The following TRMT2B variants were observed in gnomAD, a reference collection of about 807,000 sequenced individuals.
The protein encoded by TRMT2B is tRNA (uracil-5-)-methyltransferase homolog B.
Under a neutral mutation model 39.7 loss-of-function variants are expected in TRMT2B, and 34 were observed. That is an observed-to-expected ratio of 0.86 (90% confidence interval 0.65 to 1.14). The LOEUF (loss-of-function observed/expected upper bound fraction) is 1.14. Among genes scored for constraint, TRMT2B ranks in the 50% most tolerant of loss-of-function variants. The pLI is 0.00. For missense variants in TRMT2B, 318 were observed against 377.2 expected, an observed-to-expected ratio of 0.84 and a Z score of 1.30; for synonymous variants, 132 against 137.3, an observed-to-expected ratio of 0.96 and a Z score of 0.27.
rs749070426 is a variant in TRMT2B at position 101,047,194 on chromosome X, A to G, written c.-24+4057T>C. 3.6e-3 allele frequency among the ~76,000 whole-genome samples: 379 copies of G among 103,843 alleles called. 2 individuals are homozygous for G. The highest frequency in any genetic ancestry group is 0.013 in the African/African-American group (360 of 27,744). 90.2% of individuals were successfully genotyped at this position (103,843 alleles called of 115,157 possible). A position where few individuals can be genotyped will look rare whatever the true frequency, so the allele number is the denominator to read the frequency against. ...CATGCTCCAGCCTGGGTGACAAAGCAAGACCCTGTCTCGAAAAAAAAAAAA... is the reference window on the plus strand; with the variant it reads ...CATGCTCCAGCCTGGGTGACAAAGCGAGACCCTGTCTCGAAAAAAAAAAAA... On this transcript the variant is annotated intron_variant, in intron 2 of 13. Transcript: ENST00000372936.
the TRMT2B span, chrX:100,990,341 G>C: frequency 9.8e-6 from 9 of 922,222 alleles, no homozygotes; most frequent in Non-Finnish European, 1.2e-5. Context: ...AACAGAGAAA[G>C]TAAAAGAAAG....
chrX:100,997,647 C>T, the TRMT2B span, among the ~76,000 whole-genome samples: 1 of 111,768 alleles, frequency 8.9e-6, no homozygotes, highest in African/African-American at 3.3e-5. Context: ...ACTTCTGTAC[C>T]AAAGCCCTTA....
chrX:100,990,721 C>A, the TRMT2B span: 1 of 589,690 alleles, frequency 1.7e-6, no homozygotes. Flanking sequence ...GGTGATCAAC[C>A]AAAACTGAGC....
At chrX:100,989,016 A>C in the TRMT2B span, among the ~76,000 whole-genome samples, 1 of 109,274 alleles carries the variant, frequency 9.2e-6, no homozygotes, top group South Asian at 3.9e-4. Flanking sequence ...AATAAGTAAA[A>C]GTAGGAAACA....
At chrX:100,984,183 A>G in the TRMT2B span, among the ~76,000 whole-genome samples, 2 of 106,901 alleles carry the variant, frequency 1.9e-5, no homozygotes, top group Non-Finnish European at 3.8e-5. Flanking sequence ...GCGTAATCTC[A>G]GCTCACTGCA....
chrX:101,018,106 C>T (rs911949442), intron 13 of TRMT2B, among the ~76,000 whole-genome samples: 6 of 110,676 alleles, frequency 5.4e-5, no homozygotes, highest in Non-Finnish European at 7.6e-5. Flanking sequence ...TTTGGTAGGC[C>T]GATGCAGGAG....
At chrX:101,047,227 A>G (rs1375527318) in intron 2 of TRMT2B, among the ~76,000 whole-genome samples, 1 of 109,458 alleles carries the variant, frequency 9.1e-6, no homozygotes, top group Non-Finnish European at 1.9e-5. Context: ...AAAAAAAAGT[A>G]CTTAGCAGAA....
rs747565899 is a variant in TRMT2B, at chrX:101,030,242, C to T, written c.609+5371G>A. Among the ~76,000 whole-genome samples, 6 of 110,572 alleles carry T rather than the reference C, an allele frequency of 5.4e-5. No individual in the cohort carries two copies. In the South Asian group the frequency reaches 1.5e-3, roughly 28 times the overall value. The stretch of plus-strand genomic sequence containing the variant: ...ACCACTACACTCCATCCAGCCTGGG[C>T]GACAGAGTGAGACTTTGTCTCAAAC... On this transcript the variant is annotated intron_variant, in intron 7 of 13. Coordinates refer to ENST00000372936, the MANE Select transcript of TRMT2B (RefSeq NM_024917.6).
chrX:101,003,432 G>A, the TRMT2B span, among the ~76,000 whole-genome samples: 5 of 105,527 alleles, frequency 4.7e-5, no homozygotes, highest in Non-Finnish European at 9.7e-5. Context: ...CACTGCAACC[G>A]CCGCCTCCTG....
the TRMT2B span, among the ~76,000 whole-genome samples, chrX:100,983,000 G>C: frequency 9.0e-6 from 1 of 110,744 alleles, no homozygotes; most frequent in African/African-American, 3.3e-5. Context: ...GATTCATTTG[G>C]TCTGGACTAG....
At chrX:101,034,741 C>T (rs892741321) in intron 7 of TRMT2B, among the ~76,000 whole-genome samples, 3 of 111,335 alleles carry the variant, frequency 2.7e-5, no homozygotes, top group African/African-American at 9.8e-5. Flanking sequence ...ACATAAAGAA[C>T]TAGAAAAAGA....
At chrX:101,033,755 A>G (rs892710076) in intron 7 of TRMT2B, among the ~76,000 whole-genome samples, 1 of 111,507 alleles carries the variant, frequency 9.0e-6, no homozygotes, top group Non-Finnish European at 1.9e-5. Flanking sequence ...TTATTCTGTG[A>G]AAAAAAATCA....
intron 7 of TRMT2B, among the ~76,000 whole-genome samples, chrX:101,027,523 T>C (rs865960370): frequency 5.5e-5 from 6 of 110,074 alleles, no homozygotes; most frequent in Non-Finnish European, 1.1e-4. Flanking sequence ...ATTACAGGCG[T>C]GAGCCACGGA....
At chrX:100,984,042 G>C in the TRMT2B span, among the ~76,000 whole-genome samples, 1 of 111,043 alleles carries the variant, frequency 9.0e-6, no homozygotes, top group Non-Finnish European at 1.9e-5. Flanking sequence ...AGCTAGGCTA[G>C]AACGGTCAGT....
At chrX:100,973,438 C>T in the TRMT2B span, among the ~76,000 whole-genome samples, 20 of 106,926 alleles carry the variant, frequency 1.9e-4, no homozygotes, top group Non-Finnish European at 3.1e-4. Flanking sequence ...CGCTCGCCGG[C>T]GCGGCGGCAA....
At chrX:101,047,722 T>G (rs2148078445) in intron 2 of TRMT2B, among the ~76,000 whole-genome samples, 1 of 110,506 alleles carries the variant, frequency 9.0e-6, no homozygotes, top group Non-Finnish European at 1.9e-5. Context: ...ATCCCACTAC[T>G]CGGGAGGCTG....
At chrX:101,006,171 A>G (rs1253832474), downstream of TRMT2B, among the ~76,000 whole-genome samples, 1 of 110,669 alleles carries the variant, frequency 9.0e-6, no homozygotes, top group Non-Finnish European at 1.9e-5. Context: ...CGGAAGTTGC[A>G]GTGAGCCGAG....
chrX:101,034,812 A>G (rs1046616839), intron 7 of TRMT2B, among the ~76,000 whole-genome samples: 4 of 110,957 alleles, frequency 3.6e-5, no homozygotes, highest in Admixed American at 1.9e-4. Flanking sequence ...TGGGTGGATC[A>G]CTTGAGGTCA....
At chrX:100,975,641 T>C in the TRMT2B span, among the ~76,000 whole-genome samples, 3 of 108,820 alleles carry the variant, frequency 2.8e-5, no homozygotes, top group Non-Finnish European at 5.7e-5. Flanking sequence ...CTTTTTTTTT[T>C]TTTTTCTCTG....
Sources: gnomAD v4.1 joint callset for allele counts (sites outside exome capture counted in the v4.1 genomes callset) on GRCh38, gnomAD v4.1.1 for gene constraint, MANE v1.5 for transcripts, NCBI Gene and HGNC (gene_info 2026-07-23, HGNC 2026-07-21) for gene names.